Variants in PTPRN2 observed in about 807,000 individuals in gnomAD.
PTPRN2 encodes the protein protein tyrosine phosphatase receptor type N2, also known as receptor-type tyrosine-protein phosphatase N2.
Under a neutral mutation model 118.8 loss-of-function variants are expected in PTPRN2, and 74 were observed. The ratio of observed to expected loss-of-function variants is 0.62; its 90% confidence interval spans 0.52 to 0.76. The LOEUF (loss-of-function observed/expected upper bound fraction) is 0.76. Ranked by LOEUF, PTPRN2 falls within the 30% of genes least tolerant of loss-of-function variation. The pLI is 0.00. For synonymous variants in PTPRN2, 641 were observed against 608.0 expected, an observed-to-expected ratio of 1.05 and a Z score of -0.80; for missense variants, 1,481 against 1,394.4, an observed-to-expected ratio of 1.06 and a Z score of -0.99.
intron 2 of PTPRN2, among the ~76,000 whole-genome samples, chr7:158,474,040 G>T (rs181950076): frequency 6.6e-6 from 1 of 152,158 alleles, no homozygotes; most frequent in African/African-American, 2.4e-5. Flanking sequence ...AAGATCTCGC[G>T]CTTAGGAGAC....
chr7:157,710,630 TG>T lies in PTPRN2; in HGVS notation c.1789-27694del, dbSNP rs776797186. 1.2e-3 allele frequency among the ~76,000 whole-genome samples: 178 copies of T among 152,162 alleles called. 1 individual carries two copies. The highest frequency in any genetic ancestry group is 6.8e-3 in the Middle Eastern group (2 of 294). The stretch of plus-strand genomic sequence containing the variant: ...CCGTGCACAGCTCCCAGATGTCCCC[TG>T]GGGGGACATCTCTTCCGGAGGATCT... On this transcript the variant is annotated intron_variant, in intron 12 of 22. Coordinates refer to ENST00000389418, the MANE Select transcript of PTPRN2 (RefSeq NM_002847.5).
At chr7:158,320,394 A>G (rs1399450654) in intron 2 of PTPRN2, among the ~76,000 whole-genome samples, 2 of 152,152 alleles carry the variant, frequency 1.3e-5, no homozygotes, top group Non-Finnish European at 2.9e-5. Context: ...TTTCACTCCC[A>G]GCAGCTGCGA....
intron 9 of PTPRN2, among the ~76,000 whole-genome samples, chr7:158,113,309 G>A (rs1816445272): frequency 6.6e-6 from 1 of 152,166 alleles, no homozygotes; most frequent in South Asian, 2.1e-4. Flanking sequence ...AGTAGGAAAG[G>A]AGAGATGGGG....
At chr7:158,310,417 G>A (rs578041119) in intron 3 of PTPRN2, among the ~76,000 whole-genome samples, 2 of 152,368 alleles carry the variant, frequency 1.3e-5, no homozygotes, top group South Asian at 2.1e-4. Flanking sequence ...ATCGGACGGT[G>A]GAGAAGAGGC....
chr7:157,918,314 A>G (rs1048308951), intron 11 of PTPRN2, among the ~76,000 whole-genome samples: 16 of 152,264 alleles, frequency 1.1e-4, no homozygotes, highest in African/African-American at 3.9e-4. Context: ...ACTGCTTTTG[A>G]AAAGTGTGAA....
At chr7:158,557,634 C>T (rs1827131193) in intron 1 of PTPRN2, among the ~76,000 whole-genome samples, 1 of 152,278 alleles carries the variant, frequency 6.6e-6, no homozygotes, top group Admixed American at 6.5e-5. Context: ...CCTACGCTTT[C>T]TCATCATGTA....
intron 2 of PTPRN2, among the ~76,000 whole-genome samples, chr7:158,317,612 G>C (rs1392886311): frequency 6.6e-6 from 1 of 152,218 alleles, no homozygotes; most frequent in African/African-American, 2.4e-5. Flanking sequence ...TTTGAGACAA[G>C]CTTCCTGTGG....
chr7:158,158,376 G>A (rs1209610924), intron 6 of PTPRN2, among the ~76,000 whole-genome samples: 2 of 152,220 alleles, frequency 1.3e-5, no homozygotes, highest in East Asian at 1.9e-4. Context: ...CCACCAACAC[G>A]ACAAGGAAGT....
rs1385646950 is a variant in PTPRN2 at position 157,861,052 on chromosome 7, T to C, written c.1788+37621A>G. 6.6e-6 allele frequency among the ~76,000 whole-genome samples: 1 copy of C among 152,054 alleles called. No homozygotes were observed. The highest frequency in any genetic ancestry group is 1.5e-5 in the Non-Finnish European group (1 of 68,006). On this transcript the variant is annotated intron_variant, in intron 12 of 22. Coordinates refer to ENST00000389418, the MANE Select transcript of PTPRN2 (RefSeq NM_002847.5). This position sits in a 1 kb window ranked among gnomAD's most constrained non-coding sequence, Gnocchi z 5.8. Reference sequence around the variant, plus strand: ...GGTGGGGGGCAGGGTGACCTTCTCTTTCTTGTGGGGGTTGGAAGAGGAACC... The same window carrying C: ...GGTGGGGGGCAGGGTGACCTTCTCTCTCTTGTGGGGGTTGGAAGAGGAACC...
chr7:158,529,752 C>T lies in PTPRN2; in HGVS notation c.113-39967G>A, dbSNP rs908347953. ...GGGGCGGTCACCAGAAGGGGCCAGG[C>T]GGGAGCAGGACCAGCTCACAGTCTC... is the stretch of plus-strand genomic sequence containing the variant. On this transcript the variant is annotated intron_variant, in intron 1 of 22. Transcript: ENST00000389418. This position sits in a 1 kb window ranked among gnomAD's most constrained non-coding sequence, Gnocchi z 4.7. Among the ~76,000 whole-genome samples, 3 of 152,112 alleles carry T rather than the reference C, an allele frequency of 2.0e-5. No individual in the cohort carries two copies. Among genetic ancestry groups the T allele is most frequent in the African/African-American group, 7.2e-5 (3 of 41,404 alleles).
intron 3 of PTPRN2, among the ~76,000 whole-genome samples, chr7:158,256,360 C>T (rs905580930): frequency 6.6e-6 from 1 of 152,234 alleles, no homozygotes; most frequent in Non-Finnish European, 1.5e-5. Flanking sequence ...ACCGAGGCTT[C>T]TCCTCACTCT....
At chr7:158,043,827 C>T (rs10226785) in intron 11 of PTPRN2, among the ~76,000 whole-genome samples, 77,044 of 152,102 alleles carry the variant, frequency 0.51, 20,276 homozygotes, top group African/African-American at 0.58. Flanking sequence ...CACAGTGTGG[C>T]GAGAGGGGAG....
rs1425311011 is a variant in PTPRN2, at chr7:157,874,907, A to G, written c.1788+23766T>C. 2.0e-5 allele frequency among the ~76,000 whole-genome samples: 3 copies of G among 152,100 alleles called. No individual in the cohort carries two copies. In the East Asian group the frequency reaches 5.8e-4, roughly 29 times the overall value. On this transcript the variant is annotated intron_variant, in intron 12 of 22. Coordinates refer to ENST00000389418, the MANE Select transcript of PTPRN2 (RefSeq NM_002847.5). This position sits in a 1 kb window ranked among gnomAD's most constrained non-coding sequence, Gnocchi z 5.8. ...CGGAGACACACTCGTGCACATACACACACACTCATGCACATACACAGAGAA... is the reference window on the plus strand; with the variant it reads ...CGGAGACACACTCGTGCACATACACGCACACTCATGCACATACACAGAGAA...
At chr7:157,740,674 T>G (rs896075646) in intron 12 of PTPRN2, among the ~76,000 whole-genome samples, 12 of 152,132 alleles carry the variant, frequency 7.9e-5, no homozygotes, top group Admixed American at 1.3e-4. Flanking sequence ...TCTCAGAGGC[T>G]CCTAATCAAT....
At position 157,784,325 on chromosome 7, in the gene PTPRN2, T is replaced by A. The variant is rs1803880030; in HGVS notation, c.1789-101388A>T. Among the ~76,000 whole-genome samples, 1 of 151,976 alleles carries A rather than the reference T, an allele frequency of 6.6e-6. No homozygotes were observed. The highest frequency in any genetic ancestry group is 2.1e-4 in the South Asian group (1 of 4,814). On this transcript the variant is annotated intron_variant, in intron 12 of 22. Coordinates refer to ENST00000389418, the MANE Select transcript of PTPRN2 (RefSeq NM_002847.5). This position sits in a 1 kb window ranked among gnomAD's most constrained non-coding sequence, Gnocchi z 4.6. Reference sequence around the variant, plus strand: ...TCTCAGCATCTGCACAGTGACGGATTAGGGGGGCGGTTCAGCAGCCCCTCG... The same window carrying A: ...TCTCAGCATCTGCACAGTGACGGATAAGGGGGGCGGTTCAGCAGCCCCTCG...
rs762831684 is a variant in PTPRN2 at position 158,546,609 on chromosome 7, C to T, written c.112+40949G>A. ...GTTGCCCTCCCAGGCCACACCTTGA[C>T]GTGGGAGGCCACGGGACAGACGCCA... On this transcript the variant is annotated intron_variant, in intron 1 of 22. Transcript: ENST00000389418. This position sits in a 1 kb window ranked among gnomAD's most constrained non-coding sequence, Gnocchi z 5.0. Among the ~76,000 whole-genome samples the T allele has an allele frequency of 1.3e-5, 2 of 152,168 alleles. No homozygotes were observed. Among genetic ancestry groups the T allele is most frequent in the Non-Finnish European group, 2.9e-5 (2 of 68,018 alleles).
intron 2 of PTPRN2, among the ~76,000 whole-genome samples, chr7:158,341,151 G>T (rs546422015): frequency 3.6e-5 from 5 of 139,408 alleles, no homozygotes; most frequent in Admixed American, 7.2e-5. Context: ...CACCATAAGA[G>T]CTGACGCCCG....
intron 12 of PTPRN2, among the ~76,000 whole-genome samples, chr7:157,884,151 C>T (rs1404602655): frequency 6.6e-6 from 1 of 151,954 alleles, no homozygotes; most frequent in Non-Finnish European, 1.5e-5. Flanking sequence ...GAGAACAGAA[C>T]ATACCACCCC....
At chr7:157,648,782 T>G (rs1199441806) in intron 14 of PTPRN2, among the ~76,000 whole-genome samples, 10 of 133,022 alleles carry the variant, frequency 7.5e-5, no homozygotes, top group Non-Finnish European at 1.6e-4. Flanking sequence ...ACCCATTCAC[T>G]GTGCACTGAA....
Sources: gnomAD v4.1 joint callset for allele counts (sites outside exome capture counted in the v4.1 genomes callset) on GRCh38, gnomAD v4.1.1 for gene constraint, Gnocchi (gnomAD v3.1) non-coding constraint, MANE v1.5 for transcripts, NCBI Gene and HGNC (gene_info 2026-07-23, HGNC 2026-07-21) for gene names.